STAM: variants seen among roughly 807,000 people sequenced by gnomAD.
The protein encoded by STAM is signal transducing adaptor molecule, also known as signal transducing adapter molecule 1.
In STAM, 16 loss-of-function variants were observed where a neutral mutation model predicts 63.4. The observed-to-expected ratio is 0.25, with a 90% CI of 0.17 to 0.38. The LOEUF (loss-of-function observed/expected upper bound fraction) is 0.38. Ranked by LOEUF, STAM falls within the 10% of genes least tolerant of loss-of-function variation. STAM has a pLI of 1.00. For synonymous variants in STAM, 238 were observed against 223.9 expected (o/e 1.06, Z -0.56); for missense variants, 636 against 657.1 (o/e 0.97, Z 0.35).
intron 2 of STAM, among the ~76,000 whole-genome samples, chr10:17,676,519 G>A (rs1222000717): frequency 1.3e-5 from 2 of 152,098 alleles, no homozygotes; most frequent in Admixed American, 1.3e-4. Flanking sequence ...AAGCTGCAAC[G>A]GTATAGAAAT....
chr10:17,687,917 A>T (rs1835361071), intron 4 of STAM, 110 bp from the exon 5 acceptor site: 4 of 916,498 alleles, frequency 4.4e-6, no homozygotes, highest in Non-Finnish European at 6.1e-6. Context: ...ATAGCTATGC[A>T]TAACTTGTGA....
At chr10:17,668,608 A>C (rs782152352) in intron 2 of STAM, among the ~76,000 whole-genome samples, 8 of 152,120 alleles carry the variant, frequency 5.3e-5, no homozygotes, top group Non-Finnish European at 1.0e-4. Flanking sequence ...CCTGTGCTCC[A>C]TCTGTTCATT....
chr10:17,659,014 TC>T (rs1834055091), intron 1 of STAM, among the ~76,000 whole-genome samples: 1 of 152,232 alleles, frequency 6.6e-6, no homozygotes, highest in East Asian at 1.9e-4. Context: ...GTTCCCATTT[TC>T]TATTTCACTC....
At chr10:17,658,378 A>C (rs1013974237) in intron 1 of STAM, among the ~76,000 whole-genome samples, 5 of 152,058 alleles carry the variant, frequency 3.3e-5, no homozygotes, top group African/African-American at 1.2e-4. Flanking sequence ...TGAATGCTGC[A>C]TGAGAGCTTG....
At chr10:17,691,511 C>T (rs1835534170) in intron 5 of STAM, among the ~76,000 whole-genome samples, 3 of 151,866 alleles carry the variant, frequency 2.0e-5, no homozygotes, top group Non-Finnish European at 4.4e-5. Flanking sequence ...GAGCGAGACT[C>T]AAATAAATAA....
chr10:17,679,809 C>T (rs550148797), intron 2 of STAM, among the ~76,000 whole-genome samples: 5 of 151,540 alleles, frequency 3.3e-5, no homozygotes, highest in South Asian at 4.2e-4. Flanking sequence ...GAGTTAGTTT[C>T]GGTAGTTTCC....
In STAM at chr10:17,654,725, A is replaced by G. The variant is rs74966187; in HGVS notation, c.41-5739A>G. On this transcript the variant is annotated intron_variant, in intron 1 of 13. Transcript: ENST00000377524. ...GAGCAATGATAGGTAAATTTGAGCT[A>G]GTTCTCCTCTTTTCCCTCTTCCAAA... Among the ~76,000 whole-genome samples the G allele has an allele frequency of 9.9e-5, 15 of 152,282 alleles. No homozygotes were observed. The East Asian group carries it at 2.9e-3, about 29-fold the overall frequency.
chr10:17,649,000 G>T (rs1245383654), intron 1 of STAM, among the ~76,000 whole-genome samples: 1 of 152,068 alleles, frequency 6.6e-6, no homozygotes, highest in Non-Finnish European at 1.5e-5. Context: ...TCTTTGCCTG[G>T]GATACTCCTC....
intron 1 of STAM, among the ~76,000 whole-genome samples, chr10:17,657,653 C>T (rs1257735821): frequency 6.6e-6 from 1 of 152,072 alleles, no homozygotes; most frequent in Non-Finnish European, 1.5e-5. Context: ...AGATGTGGGC[C>T]ATTTAGATTG....
chr10:17,693,442 CT>C (rs1835628995), intron 6 of STAM, 130 bp downstream of exon 6: 3 of 665,132 alleles, frequency 4.5e-6, no homozygotes, highest in East Asian at 2.9e-5. Flanking sequence ...CCTCAGTATT[CT>C]TTGCTTTACT....
chr10:17,699,235 A>G (rs1398261765), intron 8 of STAM, among the ~76,000 whole-genome samples: 2 of 152,218 alleles, frequency 1.3e-5, no homozygotes, highest in South Asian at 2.1e-4. Context: ...GGCATATCTC[A>G]TAAGATTGGG....
intron 1 of STAM, among the ~76,000 whole-genome samples, chr10:17,645,893 C>T (rs1175905121): frequency 1.3e-5 from 2 of 152,294 alleles, no homozygotes; most frequent in East Asian, 3.9e-4. Flanking sequence ...CTGTTTACAG[C>T]ACCTTTGTCT....
intron 5 of STAM, among the ~76,000 whole-genome samples, chr10:17,692,331 A>G (rs781976537): frequency 1.3e-5 from 2 of 152,232 alleles, no homozygotes; most frequent in East Asian, 1.9e-4. Flanking sequence ...ATTGACAGTG[A>G]TATTTTAGCT....
rs183634078 is a variant in STAM, at chr10:17,675,790, A to G, written c.126-8885A>G. Reference sequence around the variant, plus strand: ...AGTATTATTAACAGAGTTCTTTGGTACCTATTGAATTTTTTTTTAACAGTG... The same window carrying G: ...AGTATTATTAACAGAGTTCTTTGGTGCCTATTGAATTTTTTTTTAACAGTG... On this transcript the variant is annotated intron_variant, in intron 2 of 13. Transcript: ENST00000377524. Among the ~76,000 whole-genome samples, 13 of 150,486 alleles carry G rather than the reference A, an allele frequency of 8.6e-5. No individual in the cohort carries two copies. In the East Asian group the frequency reaches 2.5e-3, roughly 29 times the overall value.
At chr10:17,698,909 T>C (rs1328306546) in intron 8 of STAM, among the ~76,000 whole-genome samples, 1 of 152,224 alleles carries the variant, frequency 6.6e-6, no homozygotes. Context: ...GCAAAATGTC[T>C]GCAGCAGATG....
chr10:17,711,272 G>A (rs781816370), intron 13 of STAM, among the ~76,000 whole-genome samples: 60 of 152,210 alleles, frequency 3.9e-4, no homozygotes, highest in Middle Eastern at 3.4e-3. Context: ...CACTGATGAC[G>A]GTTTTCTAAA....
rs1383108473 is a variant in STAM, at chr10:17,715,862, A to G, written c.*1082A>G. The stretch of plus-strand genomic sequence containing the variant: ...TTTAAATATGTCTTTAACACATTGT[A>G]TCCTTTAATTCTTCATTAAAATGGA... On this transcript the variant is annotated 3_prime_UTR_variant, in exon 14 of 14. Transcript: ENST00000377524. 6.6e-6 allele frequency: 1 copy of G among 152,660 alleles called. No individual in the cohort carries two copies. Among genetic ancestry groups the G allele is most frequent in the Non-Finnish European group, 1.5e-5 (1 of 68,016 alleles). 9.5% of individuals were successfully genotyped at this position (152,660 alleles called of 1,614,324 possible). A position where few individuals can be genotyped will look rare whatever the true frequency, so the allele number is the denominator to read the frequency against.
rs188275496 is a variant in STAM at position 17,669,555 on chromosome 10, C to A, written c.125+9007C>A. Among the ~76,000 whole-genome samples the A allele has an allele frequency of 5.9e-4, 89 of 151,906 alleles. 2 individuals carry two copies. In the East Asian group the frequency reaches 0.014, roughly 24 times the overall value. On this transcript the variant is annotated intron_variant, in intron 2 of 13. Transcript: ENST00000377524. ...ACATAGCATCTCTTTTTGTTTATAA[C>A]CTTTAGTAGTGTTTTTAAGTTTTCC...
chr10:17,678,323 C>T (rs541819274), intron 2 of STAM, among the ~76,000 whole-genome samples: 5 of 152,034 alleles, frequency 3.3e-5, no homozygotes, highest in Non-Finnish European at 5.9e-5. Flanking sequence ...GGCACAATCT[C>T]AGTTCACTGT....
Sources: allele counts gnomAD v4.1 joint callset (sites outside exome capture counted in the v4.1 genomes callset), GRCh38; gene constraint gnomAD v4.1.1; transcripts MANE v1.5; gene names NCBI Gene and HGNC (gene_info 2026-07-23, HGNC 2026-07-21).